The following FBXW8 variants were observed in gnomAD, a reference collection of about 807,000 sequenced individuals.
FBXW8 encodes the protein F-box/WD repeat-containing protein 8.
A neutral mutation model predicts 65.3 loss-of-function variants in FBXW8; 57 were observed. The observed-to-expected ratio is 0.87, with a 90% CI of 0.71 to 1.09. FBXW8 has a LOEUF of 1.09. Ranked by LOEUF, FBXW8 falls within the 50% of genes least tolerant of loss-of-function variation. The probability of loss-of-function intolerance (pLI) is 0.00; values close to 1 mark genes in which losing one functional copy is unlikely to be tolerated. For missense variants in FBXW8, 777 were observed against 814.8 expected, an observed-to-expected ratio of 0.95 and a Z score of 0.57; for synonymous variants, 308 against 330.2, an observed-to-expected ratio of 0.93 and a Z score of 0.73.
At chr12:116,914,558 G>C (rs1220124237) in intron 1 of FBXW8, among the ~76,000 whole-genome samples, 1 of 119,104 alleles carries the variant, frequency 8.4e-6, no homozygotes, top group African/African-American at 3.1e-5. Flanking sequence ...AGGTGACAGA[G>C]CGAAACCCTG....
At chr12:116,967,763 C>T (rs11068269) in intron 5 of FBXW8, among the ~76,000 whole-genome samples, 6,598 of 152,112 alleles carry the variant, frequency 0.043, 431 homozygotes, top group African/African-American at 0.14. Flanking sequence ...CCGTAAGTCA[C>T]TTATTCTTTT....
At chr12:116,955,980 C>G (rs1883617208) in intron 4 of FBXW8, among the ~76,000 whole-genome samples, 2 of 152,088 alleles carry the variant, frequency 1.3e-5, no homozygotes. Flanking sequence ...TATCAGATGC[C>G]CAGGAGTATG....
intron 1 of FBXW8, among the ~76,000 whole-genome samples, chr12:116,919,922 C>T (rs1014417119): frequency 2.0e-5 from 3 of 152,312 alleles, no homozygotes; most frequent in South Asian, 4.1e-4. Flanking sequence ...AATGGCTTAA[C>T]CTTCTTCTGT....
chr12:117,004,538 G>C (rs1250920874), intron 7 of FBXW8, among the ~76,000 whole-genome samples: 1 of 152,188 alleles, frequency 6.6e-6, no homozygotes, highest in Non-Finnish European at 1.5e-5. Flanking sequence ...ATTAGGCTTG[G>C]ATTCTTTTAG....
chr12:116,927,333 T>C (rs1881408768), intron 1 of FBXW8, among the ~76,000 whole-genome samples: 1 of 152,204 alleles, frequency 6.6e-6, no homozygotes. Flanking sequence ...CATTAATAAA[T>C]GACACCGAAG....
chr12:116,933,816 T>G (rs532684627), intron 2 of FBXW8, among the ~76,000 whole-genome samples: 2 of 152,302 alleles, frequency 1.3e-5, no homozygotes, highest in East Asian at 3.9e-4. Flanking sequence ...TAAAAATAAG[T>G]AGCACTTTCA....
At chr12:116,953,737 C>CA (rs1180639811) in intron 4 of FBXW8, among the ~76,000 whole-genome samples, 4 of 151,198 alleles carry the variant, frequency 2.6e-5, no homozygotes, top group Non-Finnish European at 5.9e-5. Flanking sequence ...CGCGCCACTG[C>CA]ACTCCAGCCT....
At position 116,911,226 on chromosome 12, in the gene FBXW8, G is replaced by A. The variant is rs1427433040; in HGVS notation, c.189G>A (p.Ala63=). 1 of 1,241,976 alleles carries A rather than the reference G, an allele frequency of 8.1e-7. No individual in the cohort carries two copies. Among genetic ancestry groups the A allele is most frequent in the Admixed American group, 4.2e-5 (1 of 23,600 alleles). 76.9% of individuals were successfully genotyped at this position (1,241,976 alleles called of 1,614,324 possible). The change falls in exon 1 of 11, where the codon GCG becomes GCA. Residue 63 remains alanine, a synonymous_variant. Transcript: ENST00000652555. ...PALAQRLLEG[A]GRPPAARATR... is the part of the protein sequence containing the mutation. The stretch of plus-strand genomic sequence containing the variant: ...TGGCCCAGCGTCTCCTGGAGGGCGC[G>A]GGGAGGCCCCCGGCGGCGCGGGCGA...
chr12:116,968,450 G>A (rs1884456070), intron 5 of FBXW8, among the ~76,000 whole-genome samples: 1 of 152,152 alleles, frequency 6.6e-6, no homozygotes, highest in South Asian at 2.1e-4. Flanking sequence ...TCTTAAAAGG[G>A]AGTGCATGTC....
intron 6 of FBXW8, among the ~76,000 whole-genome samples, chr12:116,987,733 AC>A (rs1885825497): frequency 6.6e-6 from 1 of 152,114 alleles, no homozygotes; most frequent in African/African-American, 2.4e-5. Flanking sequence ...AACCAAAAAA[AC>A]CCCAACCTTT....
rs749918174 is a variant in FBXW8 at position 116,949,623 on chromosome 12, C to T, written c.594C>T (p.Arg198=). Residue 198 remains arginine (R), a synonymous_variant, in exon 4 of 11, where the codon CGC becomes CGT. Transcript: ENST00000652555. ...EHMLRTNWKN[R]KGAVSELEHV... ...TCCCCCTTTTCCTCACGCAGAATCG[C>T]AAAGGTGCCGTGAGCGAGCTGGAGC... The T allele has an allele frequency of 1.9e-6, 3 of 1,614,056 alleles. No individual in the cohort carries two copies. Among genetic ancestry groups the T allele is most frequent in the African/African-American group, 2.7e-5 (2 of 74,924 alleles).
intron 2 of FBXW8, among the ~76,000 whole-genome samples, chr12:116,931,735 G>A (rs1254561589): frequency 6.6e-6 from 1 of 151,566 alleles, no homozygotes; most frequent in Non-Finnish European, 1.5e-5. Flanking sequence ...AACTGAATTT[G>A]TTTATTAGTT....
chr12:116,985,598 T>G (rs1565927433), intron 6 of FBXW8, 196 bp downstream of exon 6: 2 of 571,264 alleles, frequency 3.5e-6, no homozygotes, highest in East Asian at 6.0e-5. Flanking sequence ...TCAGGCTGCT[T>G]AGAGCAGTGA....
chr12:117,008,823 A>T (rs992801923), intron 7 of FBXW8, among the ~76,000 whole-genome samples: 1 of 152,252 alleles, frequency 6.6e-6, no homozygotes, highest in Non-Finnish European at 1.5e-5. Context: ...GGCTGAGGCC[A>T]GGCGTGCTGG....
chr12:116,954,245 T>C (rs1011748030), intron 4 of FBXW8, among the ~76,000 whole-genome samples: 8 of 152,202 alleles, frequency 5.3e-5, no homozygotes, highest in African/African-American at 1.9e-4. Context: ...GTCTCCCATG[T>C]GTCTGGTTTG....
intron 7 of FBXW8, among the ~76,000 whole-genome samples, chr12:117,008,477 T>G (rs929729432): frequency 3.9e-5 from 6 of 152,240 alleles, no homozygotes; most frequent in Admixed American, 2.0e-4. Context: ...CAACTGCAAT[T>G]GTTCTCTGTA....
At chr12:116,934,033 C>T (rs572886322) in intron 2 of FBXW8, among the ~76,000 whole-genome samples, 3 of 152,034 alleles carry the variant, frequency 2.0e-5, no homozygotes. Context: ...TTGGAGAAAA[C>T]CTGTTTGCTT....
At chr12:116,923,395 T>C (rs1004792495) in intron 1 of FBXW8, among the ~76,000 whole-genome samples, 16 of 152,196 alleles carry the variant, frequency 1.1e-4, no homozygotes, top group African/African-American at 3.4e-4. Context: ...GGTTGTATGT[T>C]ATCAAACAGA....
At chr12:116,918,247 A>G (rs1880603474) in intron 1 of FBXW8, among the ~76,000 whole-genome samples, 1 of 152,020 alleles carries the variant, frequency 6.6e-6, no homozygotes, top group African/African-American at 2.4e-5. Flanking sequence ...CTTCTTGGAG[A>G]TAGTGGATAT....
Sources: allele counts gnomAD v4.1 joint callset (sites outside exome capture counted in the v4.1 genomes callset), GRCh38; gene constraint gnomAD v4.1.1; transcripts MANE v1.5; gene names NCBI Gene and HGNC (gene_info 2026-07-23, HGNC 2026-07-21).